Variants in AUTS2 observed in about 807,000 individuals in gnomAD.
AUTS2 encodes the protein activator of transcription and developmental regulator AUTS2.
AUTS2 carries 17 observed loss-of-function variants against 112.4 expected under a neutral mutation model. The observed-to-expected ratio is 0.15, with a 90% CI of 0.10 to 0.23. The LOEUF (loss-of-function observed/expected upper bound fraction) is 0.23. Among genes scored for constraint, AUTS2 ranks in the 10% least tolerant of loss-of-function variants. The pLI is 1.00. For synonymous variants in AUTS2, 751 were observed against 702.7 expected (o/e 1.07, Z -1.09); for missense variants, 1,510 against 1,701.6 (o/e 0.89, Z 1.98).
chr7:70,046,234 A>G (rs561230176), intron 2 of AUTS2, among the ~76,000 whole-genome samples: 1 of 152,128 alleles, frequency 6.6e-6, no homozygotes, highest in South Asian at 2.1e-4. Context: ...AAGAGCATGA[A>G]CTCTAGGTTG....
At chr7:70,088,897 A>G (rs1185840528) in intron 2 of AUTS2, among the ~76,000 whole-genome samples, 1 of 152,044 alleles carries the variant, frequency 6.6e-6, no homozygotes, top group South Asian at 2.1e-4. Flanking sequence ...TCCTTCAAGT[A>G]TTATACTATT....
At chr7:70,360,219 C>A (rs1792198076) in intron 4 of AUTS2, among the ~76,000 whole-genome samples, 1 of 152,162 alleles carries the variant, frequency 6.6e-6, no homozygotes, top group Non-Finnish European at 1.5e-5. Context: ...CCTCAACCTC[C>A]TGGGCTCAGG....
chr7:70,471,048 T>G, intron 5 of AUTS2, among the ~76,000 whole-genome samples: 1 of 152,264 alleles, frequency 6.6e-6, no homozygotes, highest in South Asian at 2.1e-4. Context: ...CTCTTCCCCC[T>G]GGGACAGTTA....
intron 1 of AUTS2, among the ~76,000 whole-genome samples, chr7:69,739,719 T>C (rs1186937135): frequency 6.6e-6 from 1 of 152,184 alleles, no homozygotes; most frequent in Admixed American, 6.5e-5. Flanking sequence ...AAATAAGTAT[T>C]TGAGTTGAAA....
intron 6 of AUTS2, among the ~76,000 whole-genome samples, chr7:70,702,217 G>A (rs1809495860): frequency 1.3e-5 from 2 of 152,230 alleles, no homozygotes; most frequent in African/African-American, 2.4e-5. Context: ...CTGTCTGGGA[G>A]GAAGGACAAC....
rs1554410189 is a variant in AUTS2 at position 70,486,908 on chromosome 7, C to CCCA, written c.690+51127_690+51128insCCA. Among the ~76,000 whole-genome samples, 368 of 118,834 alleles carry CCCA rather than the reference C, an allele frequency of 3.1e-3. 11 individuals are homozygous for CCCA. The highest frequency in any genetic ancestry group is 0.024 in the South Asian group (65 of 2,656). 78.0% of individuals were successfully genotyped at this position (118,834 alleles called of 152,430 possible). A position where few individuals can be genotyped will look rare whatever the true frequency, so the allele number is the denominator to read the frequency against. On this transcript the variant is annotated intron_variant, in intron 5 of 18. Transcript: ENST00000342771. ...TGTTGTTTTTGTATTCCCCCCCCCC[C>CCCA]AAAAAAAAAGAAGAAAAGGTTGCAT...
chr7:69,885,872 A>G (rs991398155), intron 1 of AUTS2, among the ~76,000 whole-genome samples: 3 of 152,242 alleles, frequency 2.0e-5, no homozygotes, highest in Admixed American at 6.5e-5. Context: ...ATATTCAGAA[A>G]TGGTCTGACC....
intron 4 of AUTS2, among the ~76,000 whole-genome samples, chr7:70,267,599 G>A (rs2129608338): frequency 6.6e-6 from 1 of 152,264 alleles, no homozygotes; most frequent in East Asian, 1.9e-4. Flanking sequence ...TTAGCTGTGT[G>A]ACAATGGGAG....
chr7:70,213,755 CT>C (rs1480993500), intron 4 of AUTS2, among the ~76,000 whole-genome samples: 1 of 152,076 alleles, frequency 6.6e-6, no homozygotes, highest in African/African-American at 2.4e-5. Context: ...TAGGAAGAGG[CT>C]ACATGGTAAA....
chr7:70,417,905 A>C (rs1474403274), intron 4 of AUTS2, among the ~76,000 whole-genome samples: 1 of 152,106 alleles, frequency 6.6e-6, no homozygotes, highest in East Asian at 1.9e-4. Context: ...CTGGGCCCTC[A>C]CCACTGTTGT....
chr7:69,840,944 A>G (rs1275716339), intron 1 of AUTS2, among the ~76,000 whole-genome samples: 1 of 152,236 alleles, frequency 6.6e-6, no homozygotes, highest in Non-Finnish European at 1.5e-5. Flanking sequence ...AGTTGAAAGC[A>G]TGTTGGGGAA....
At chr7:69,787,930 G>T (rs1022583764) in intron 1 of AUTS2, among the ~76,000 whole-genome samples, 1 of 152,162 alleles carries the variant, frequency 6.6e-6, no homozygotes, top group Admixed American at 6.5e-5. Context: ...TAGGAATGAA[G>T]TGGAACTTTT....
rs182190545 is a variant in AUTS2, at chr7:70,638,225, C to T, written c.691-60344C>T. Among the ~76,000 whole-genome samples, 40 of 152,202 alleles carry T rather than the reference C, an allele frequency of 2.6e-4. No individual in the cohort carries two copies. In the East Asian group the frequency reaches 6.4e-3, roughly 24 times the overall value. On this transcript the variant is annotated intron_variant, in intron 5 of 18. Coordinates refer to ENST00000342771, the MANE Select transcript of AUTS2 (RefSeq NM_015570.4). ...TGTAAAAGAATAGTAATAATCCCCC[C>T]GAATCCTGTCCAAACCACAGAACCC...
chr7:70,318,201 G>A (rs578193860), intron 4 of AUTS2, among the ~76,000 whole-genome samples: 1 of 152,240 alleles, frequency 6.6e-6, no homozygotes, highest in Non-Finnish European at 1.5e-5. Context: ...AAGGGTTGGC[G>A]AGGTTGAGGG....
At chr7:70,787,040 A>G (rs1225426684) in intron 17 of AUTS2, 169 bp from the exon 18 acceptor site, 1 of 754,296 alleles carries the variant, frequency 1.3e-6, no homozygotes, top group South Asian at 1.5e-5. Context: ...CCAGTGTAGG[A>G]CAAGACTTCC....
chr7:69,656,089 C>A (rs1344371167), intron 1 of AUTS2, among the ~76,000 whole-genome samples: 1 of 152,228 alleles, frequency 6.6e-6, no homozygotes, highest in Non-Finnish European at 1.5e-5. Context: ...CCTTTCTCTT[C>A]TGGATCTCAT....
intron 5 of AUTS2, among the ~76,000 whole-genome samples, chr7:70,519,813 A>C (rs1024648783): frequency 2.0e-5 from 3 of 152,138 alleles, no homozygotes; most frequent in African/African-American, 7.2e-5. Flanking sequence ...AGCAGCTTCT[A>C]CTTGATTGGG....
At chr7:70,378,643 GT>G (rs1793227751) in intron 4 of AUTS2, among the ~76,000 whole-genome samples, 1 of 152,220 alleles carries the variant, frequency 6.6e-6, no homozygotes, top group Non-Finnish European at 1.5e-5. Context: ...CAGAGACCAT[GT>G]TTGTAGATAC....
chr7:69,836,243 A>G (rs1018720388), intron 1 of AUTS2, among the ~76,000 whole-genome samples: 1 of 152,156 alleles, frequency 6.6e-6, no homozygotes, highest in Non-Finnish European at 1.5e-5. Context: ...GGCATACACC[A>G]TGTTATCCTT....
Sources: gnomAD v4.1 joint callset for allele counts (sites outside exome capture counted in the v4.1 genomes callset) on GRCh38, gnomAD v4.1.1 for gene constraint, MANE v1.5 for transcripts, NCBI Gene and HGNC (gene_info 2026-07-23, HGNC 2026-07-21) for gene names.